The following HECW1 variants were observed in gnomAD, a reference collection of about 807,000 sequenced individuals.
The protein encoded by HECW1 is E3 ubiquitin-protein ligase HECW1.
Under a neutral mutation model 182.3 loss-of-function variants are expected in HECW1, and 61 were observed. That is an observed-to-expected ratio of 0.33 (90% confidence interval 0.27 to 0.41). The LOEUF (loss-of-function observed/expected upper bound fraction) is 0.41, where lower values mean the gene tolerates loss of function less well. Among genes scored for constraint, HECW1 ranks in the 10% least tolerant of loss-of-function variants. The pLI is 1.00. For missense variants in HECW1, 1,739 were observed against 2,108.9 expected (o/e 0.82, Z 3.44); for synonymous variants, 859 against 832.6 (o/e 1.03, Z -0.55).
intron 6 of HECW1, among the ~76,000 whole-genome samples, chr7:43,367,415 T>C (rs149658306): frequency 7.0e-4 from 107 of 152,370 alleles, no homozygotes; most frequent in African/African-American, 2.5e-3. Context: ...CTGAAGTAAT[T>C]CTAGTTATGC....
chr7:43,114,747 T>C (rs1329250394), intron 2 of HECW1, among the ~76,000 whole-genome samples: 1 of 151,984 alleles, frequency 6.6e-6, no homozygotes, highest in African/African-American at 2.4e-5. Flanking sequence ...TTTGGAGTAG[T>C]TTTTTCATGA....
intron 5 of HECW1, among the ~76,000 whole-genome samples, chr7:43,332,343 C>G (rs1584508654): frequency 6.6e-6 from 1 of 152,184 alleles, no homozygotes; most frequent in Non-Finnish European, 1.5e-5. Flanking sequence ...ACTTCAACAA[C>G]CCAAGGAAGG....
At chr7:43,212,625 T>C (rs1796098009) in intron 2 of HECW1, among the ~76,000 whole-genome samples, 1 of 152,224 alleles carries the variant, frequency 6.6e-6, no homozygotes, top group South Asian at 2.1e-4. Context: ...CATTGCACTA[T>C]AGCAAATTAA....
intron 23 of HECW1, 181 bp from the exon 24 acceptor site, chr7:43,508,788 C>T: frequency 1.5e-6 from 1 of 645,332 alleles, no homozygotes; most frequent in East Asian, 2.6e-5. Flanking sequence ...AAACCAATTA[C>T]TGCATCCTCA....
At chr7:43,511,306 A>G (rs1473120731) in intron 24 of HECW1, 1 of 152,230 alleles carries the variant, frequency 6.6e-6, no homozygotes, top group Non-Finnish European at 1.5e-5. Flanking sequence ...TGAGCCGACT[A>G]GCAATCTAAA....
chr7:43,532,856 T>C (rs561366452), intron 24 of HECW1, among the ~76,000 whole-genome samples: 2 of 152,328 alleles, frequency 1.3e-5, no homozygotes, highest in East Asian at 3.9e-4. Flanking sequence ...CAGAGAATGA[T>C]GAAAAGCTGC....
At chr7:43,295,591 G>A (rs1207050001) in intron 3 of HECW1, among the ~76,000 whole-genome samples, 2 of 152,206 alleles carry the variant, frequency 1.3e-5, no homozygotes, top group Non-Finnish European at 2.9e-5. Flanking sequence ...ATGAAGACAA[G>A]ACCAGAGGGC....
chr7:43,294,720 C>A (rs779674425), intron 3 of HECW1, among the ~76,000 whole-genome samples: 3 of 152,034 alleles, frequency 2.0e-5, no homozygotes, highest in Non-Finnish European at 4.4e-5. Flanking sequence ...GAGTTTAAGC[C>A]CAGGTCAGTC....
At chr7:43,256,229 G>A (rs1377146798) in intron 3 of HECW1, among the ~76,000 whole-genome samples, 1 of 152,150 alleles carries the variant, frequency 6.6e-6, no homozygotes, top group Non-Finnish European at 1.5e-5. Context: ...TGAGTATGTG[G>A]GTTTTGAAAC....
chr7:43,156,747 G>A (rs1789922137), intron 2 of HECW1, among the ~76,000 whole-genome samples: 1 of 150,282 alleles, frequency 6.7e-6, no homozygotes, highest in African/African-American at 2.5e-5. Flanking sequence ...GCGTGGTCAT[G>A]TGATCTGCAC....
At chr7:43,169,628 T>C (rs569145572) in intron 2 of HECW1, among the ~76,000 whole-genome samples, 1 of 152,116 alleles carries the variant, frequency 6.6e-6, no homozygotes, top group Non-Finnish European at 1.5e-5. Flanking sequence ...ACCAGTGTTA[T>C]AAACTCCTTA....
At chr7:43,354,261 A>G (rs1435277102) in intron 5 of HECW1, among the ~76,000 whole-genome samples, 1 of 152,132 alleles carries the variant, frequency 6.6e-6, no homozygotes, top group African/African-American at 2.4e-5. Flanking sequence ...ATAGCTGTAT[A>G]TCTACAAGAA....
intron 28 of HECW1, 136 bp downstream of exon 28, chr7:43,552,472 T>G (rs2081870919): frequency 1.5e-6 from 1 of 660,066 alleles, no homozygotes. Flanking sequence ...TTTAGTACAT[T>G]CACAGTTTTG....
At chr7:43,532,167 A>C (rs766140457) in intron 24 of HECW1, among the ~76,000 whole-genome samples, 2 of 152,172 alleles carry the variant, frequency 1.3e-5, no homozygotes, top group Non-Finnish European at 2.9e-5. Flanking sequence ...AAGGCCGTGG[A>C]CTGTTCCTGG....
At chr7:43,259,244 A>G (rs1346244132) in intron 3 of HECW1, among the ~76,000 whole-genome samples, 1 of 152,070 alleles carries the variant, frequency 6.6e-6, no homozygotes, top group African/African-American at 2.4e-5. Context: ...AACATTAGCC[A>G]GGTGTGGTGG....
intron 2 of HECW1, among the ~76,000 whole-genome samples, chr7:43,193,859 G>C (rs1270690164): frequency 1.3e-5 from 2 of 152,170 alleles, no homozygotes; most frequent in African/African-American, 4.8e-5. Flanking sequence ...TACTCTAACA[G>C]AAAGACCTAG....
chr7:43,184,957 A>G (rs1793245177), intron 2 of HECW1, among the ~76,000 whole-genome samples: 3 of 152,110 alleles, frequency 2.0e-5, no homozygotes, highest in South Asian at 2.1e-4. Context: ...TTCACTCACT[A>G]TACAGTACCA....
intron 24 of HECW1, among the ~76,000 whole-genome samples, chr7:43,520,022 T>TA (rs1261795739): frequency 6.6e-6 from 1 of 152,152 alleles, no homozygotes; most frequent in Non-Finnish European, 1.5e-5. Context: ...CATCTGTGGG[T>TA]AAAAAATAAA....
At chr7:43,553,736 C>T (rs2081929353) in intron 28 of HECW1, among the ~76,000 whole-genome samples, 1 of 151,354 alleles carries the variant, frequency 6.6e-6, no homozygotes, top group Non-Finnish European at 1.5e-5. Flanking sequence ...GGAAATATTC[C>T]TTCCTGCCTT....
Sources: allele counts gnomAD v4.1 joint callset (sites outside exome capture counted in the v4.1 genomes callset), GRCh38; gene constraint gnomAD v4.1.1; transcripts MANE v1.5; gene names NCBI Gene and HGNC (gene_info 2026-07-23, HGNC 2026-07-21).